JAZF1: variants seen among roughly 807,000 people sequenced by gnomAD.
The protein encoded by JAZF1 is juxtaposed with another zinc finger protein 1.
Under a neutral mutation model 26.4 loss-of-function variants are expected in JAZF1, and 8 were observed. The observed-to-expected ratio is 0.30, with a 90% CI of 0.18 to 0.55. The LOEUF (loss-of-function observed/expected upper bound fraction) is 0.55, where lower values mean the gene tolerates loss of function less well. Among genes scored for constraint, JAZF1 ranks in the 20% least tolerant of loss-of-function variants. JAZF1 has a pLI of 0.94. For missense variants in JAZF1, 199 were observed against 322.0 expected, an observed-to-expected ratio of 0.62 and a Z score of 2.92; for synonymous variants, 126 against 122.3, an observed-to-expected ratio of 1.03 and a Z score of -0.20.
intron 1 of JAZF1, among the ~76,000 whole-genome samples, chr7:28,172,824 TA>T (rs769986929): frequency 3.9e-5 from 6 of 152,142 alleles, no homozygotes; most frequent in Non-Finnish European, 8.8e-5. Flanking sequence ...TGGCTAGGGA[TA>T]ACTTGACACA....
At chr7:28,120,474 T>G (rs1490641320) in intron 1 of JAZF1, among the ~76,000 whole-genome samples, 2 of 148,456 alleles carry the variant, frequency 1.3e-5, no homozygotes, top group Non-Finnish European at 3.0e-5. Context: ...GGAAGGAAGA[T>G]GTCTGAACCA....
At chr7:28,005,773 T>A (rs952995179) in intron 1 of JAZF1, among the ~76,000 whole-genome samples, 1 of 152,034 alleles carries the variant, frequency 6.6e-6, no homozygotes, top group Middle Eastern at 3.2e-3. Flanking sequence ...TTTGGGTGTC[T>A]GGGAAGTCCC....
At chr7:27,923,438 C>A (rs905221677) in intron 2 of JAZF1, among the ~76,000 whole-genome samples, 6 of 152,256 alleles carry the variant, frequency 3.9e-5, no homozygotes, top group African/African-American at 1.4e-4. Flanking sequence ...TCTATCCCAA[C>A]TTTGCAGAGT....
intron 4 of JAZF1, among the ~76,000 whole-genome samples, chr7:27,837,541 G>A (rs1782838863): frequency 6.6e-6 from 1 of 152,228 alleles, no homozygotes; most frequent in Non-Finnish European, 1.5e-5. Context: ...TATGGGAGCA[G>A]TAAGGGAAAT....
chr7:27,940,295 TGGTG>T (rs1392010341), intron 2 of JAZF1, among the ~76,000 whole-genome samples: 1 of 13,610 alleles, frequency 7.3e-5, no homozygotes, highest in African/African-American at 9.1e-4. Context: ...GGCGGTGTGG[TGGTG>T]GGGGGTGCTC....
intron 3 of JAZF1, among the ~76,000 whole-genome samples, chr7:27,855,502 T>C (rs952636205): frequency 4.0e-5 from 6 of 151,808 alleles, no homozygotes; most frequent in Admixed American, 1.3e-4. Flanking sequence ...AAGAATCAAA[T>C]AGACACAATA....
chr7:28,001,937 G>T (rs968978114), intron 1 of JAZF1, among the ~76,000 whole-genome samples: 1 of 152,148 alleles, frequency 6.6e-6, no homozygotes, highest in Non-Finnish European at 1.5e-5. Context: ...TAACTAGAAG[G>T]TGAAAAGGAG....
At chr7:27,838,644 GTGAATAAGA>G (rs113204305) in intron 4 of JAZF1, among the ~76,000 whole-genome samples, 60,237 of 151,708 alleles carry the variant, frequency 0.4, 12,290 homozygotes, top group East Asian at 0.61. Context: ...CAATGATGCT[GTGAATAAGA>G]TGAAATACTA....
At chr7:27,963,710 C>T (rs976515927) in intron 2 of JAZF1, among the ~76,000 whole-genome samples, 3 of 116,552 alleles carry the variant, frequency 2.6e-5, no homozygotes, top group South Asian at 3.5e-4. Context: ...TGTAGGTGCA[C>T]GTCACCACAC....
At chr7:27,878,413 T>C (rs1262177702) in intron 3 of JAZF1, among the ~76,000 whole-genome samples, 2 of 152,184 alleles carry the variant, frequency 1.3e-5, no homozygotes, top group Admixed American at 6.5e-5. Context: ...GTAATACTTA[T>C]CCTTATGGAG....
chr7:27,960,338 T>A (rs893149358), intron 2 of JAZF1, among the ~76,000 whole-genome samples: 2 of 152,262 alleles, frequency 1.3e-5, no homozygotes, highest in African/African-American at 4.8e-5. Flanking sequence ...TTAACCTGCA[T>A]ATCTTTCTTG....
At chr7:27,838,840 C>G (rs908775438) in intron 4 of JAZF1, among the ~76,000 whole-genome samples, 2 of 152,138 alleles carry the variant, frequency 1.3e-5, no homozygotes, top group East Asian at 3.9e-4. Context: ...AGGAAACTCA[C>G]GCTTCCCTCG....
At chr7:27,966,804 T>G (rs1216568015) in intron 2 of JAZF1, among the ~76,000 whole-genome samples, 2 of 152,238 alleles carry the variant, frequency 1.3e-5, no homozygotes, top group Non-Finnish European at 2.9e-5. Context: ...CTTCTACTTA[T>G]TTCTTAATTC....
intron 2 of JAZF1, among the ~76,000 whole-genome samples, chr7:27,916,488 T>A (rs1052995839): frequency 1.6e-4 from 25 of 152,188 alleles, no homozygotes; most frequent in Admixed American, 1.2e-3. Flanking sequence ...TAGGTGTGTT[T>A]CTGTTTAAAC....
At chr7:28,034,029 C>T (rs1583520813) in intron 1 of JAZF1, among the ~76,000 whole-genome samples, 1 of 152,214 alleles carries the variant, frequency 6.6e-6, no homozygotes, top group African/African-American at 2.4e-5. Context: ...AGGCATGAAT[C>T]ATCACACCCA....
At chr7:28,011,782 T>C (rs1159660833) in intron 1 of JAZF1, among the ~76,000 whole-genome samples, 4 of 152,140 alleles carry the variant, frequency 2.6e-5, no homozygotes, top group Middle Eastern at 3.2e-3. Context: ...CTCCAGCCTC[T>C]CTCTCCAGCC....
intron 1 of JAZF1, among the ~76,000 whole-genome samples, chr7:28,125,987 A>T (rs1381039559): frequency 6.6e-6 from 1 of 152,184 alleles, no homozygotes; most frequent in African/African-American, 2.4e-5. Context: ...CTCCACCGGA[A>T]TGGGATCCAA....
chr7:27,882,167 T>G (rs1783782859), intron 3 of JAZF1, among the ~76,000 whole-genome samples: 1 of 152,068 alleles, frequency 6.6e-6, no homozygotes, highest in South Asian at 2.1e-4. Flanking sequence ...ACTGAAGAAT[T>G]GGGGTACTGA....
intron 1 of JAZF1, among the ~76,000 whole-genome samples, chr7:28,130,153 T>G (rs17156448): frequency 0.04 from 6,040 of 152,292 alleles, 315 homozygotes; most frequent in African/African-American, 0.12. Flanking sequence ...CATTAGCTCA[T>G]TTTAGTGAAA....
Sources: allele counts gnomAD v4.1 joint callset (sites outside exome capture counted in the v4.1 genomes callset), GRCh38; gene constraint gnomAD v4.1.1; transcripts MANE v1.5; gene names NCBI Gene and HGNC (gene_info 2026-07-23, HGNC 2026-07-21).